The following IGSF5 variants were observed in gnomAD, a reference collection of about 807,000 sequenced individuals.
The protein encoded by IGSF5 is immunoglobulin superfamily member 5.
IGSF5 carries 41 observed loss-of-function variants against 39.4 expected under a neutral mutation model. The ratio of observed to expected loss-of-function variants is 1.04; its 90% CI spans 0.81 to 1.35. The LOEUF (loss-of-function observed/expected upper bound fraction) is 1.35, where lower values mean the gene tolerates loss of function less well. Among genes scored for constraint, IGSF5 ranks in the 40% most tolerant of loss-of-function variants. IGSF5 has a pLI of 0.00. For missense variants in IGSF5, 487 were observed against 494.6 expected (o/e 0.98, Z 0.15); for synonymous variants, 183 against 175.3 (o/e 1.04, Z -0.34).
chr21:39,784,502 G>A (rs2080186922), intron 5 of IGSF5, among the ~76,000 whole-genome samples: 1 of 152,082 alleles, frequency 6.6e-6, no homozygotes, highest in Admixed American at 6.5e-5. Context: ...CTATAGATTG[G>A]TAGTAATAAT....
At chr21:39,713,292 C>G in the IGSF5 span, among the ~76,000 whole-genome samples, 1 of 152,208 alleles carries the variant, frequency 6.6e-6, no homozygotes, top group East Asian at 1.9e-4. Flanking sequence ...GGTGCTCCAT[C>G]ATGAGAATTA....
the IGSF5 span, among the ~76,000 whole-genome samples, chr21:39,715,280 G>A: frequency 6.6e-6 from 1 of 152,040 alleles, no homozygotes; most frequent in African/African-American, 2.4e-5. Flanking sequence ...ACCATGCCCA[G>A]CTAATTTTTT....
At chr21:39,749,501 C>T (rs887385229) in intron 2 of IGSF5, among the ~76,000 whole-genome samples, 12 of 152,230 alleles carry the variant, frequency 7.9e-5, no homozygotes, top group African/African-American at 2.7e-4. Context: ...GCATGAGCCA[C>T]CGTGCCCAGC....
rs181942920 is a variant in IGSF5, at chr21:39,746,237, G to A, written c.39G>A (p.Pro13=). 5.7e-5 allele frequency: 40 copies of A among 701,896 alleles called. No homozygotes were observed. The highest frequency in any genetic ancestry group is 3.7e-4 in the Middle Eastern group (1 of 2,738). The allele number at this position is 701,896 out of a possible 1,614,324, so 43.5% of individuals were successfully genotyped here. The part of the protein sequence containing the change: ...QKERSTADTL[P]DLEEWKSAAG... ...TCAGGAGCACAGCAGATACTCTGCC[G>A]GATCTGGAGGAATGGAAGTCAGCGG... is the stretch of plus-strand genomic sequence containing the variant. The change falls in exon 2 of 9, where the codon CCG becomes CCA. Residue 13 remains proline, a synonymous_variant. Coordinates refer to ENST00000380588, the MANE Select transcript of IGSF5 (RefSeq NM_001080444.2).
chr21:39,743,819 A>T (rs943700498), upstream of IGSF5, among the ~76,000 whole-genome samples: 2 of 152,214 alleles, frequency 1.3e-5, no homozygotes, highest in Non-Finnish European at 2.9e-5. Context: ...TACTTCCCTC[A>T]GGAGGCCAGC....
At chr21:39,751,624 G>C (rs2080006175) in intron 2 of IGSF5, among the ~76,000 whole-genome samples, 1 of 151,974 alleles carries the variant, frequency 6.6e-6, no homozygotes, top group South Asian at 2.1e-4. Flanking sequence ...TGATGGGCTG[G>C]GGGGGGTGGG....
the IGSF5 span, among the ~76,000 whole-genome samples, chr21:39,725,154 G>T: frequency 6.6e-6 from 1 of 152,182 alleles, no homozygotes; most frequent in African/African-American, 2.4e-5. Flanking sequence ...GGATTCCCTT[G>T]CCCCATGGCT....
chr21:39,778,696 T>A (rs959688619), intron 4 of IGSF5, among the ~76,000 whole-genome samples: 4 of 152,178 alleles, frequency 2.6e-5, no homozygotes, highest in African/African-American at 9.7e-5. Flanking sequence ...GAACAAAATG[T>A]CTTTATTCCA....
intron 2 of IGSF5, among the ~76,000 whole-genome samples, chr21:39,759,565 T>C (rs2080050749): frequency 6.6e-6 from 1 of 152,122 alleles, no homozygotes; most frequent in Non-Finnish European, 1.5e-5. Flanking sequence ...GAGATACTTT[T>C]TCCTGAAAAA....
At chr21:39,767,845 A>T (rs377056104) in intron 3 of IGSF5, among the ~76,000 whole-genome samples, 2 of 152,294 alleles carry the variant, frequency 1.3e-5, no homozygotes, top group Non-Finnish European at 2.9e-5. Context: ...GGATGATTTC[A>T]TGGAGAAGGT....
the IGSF5 span, among the ~76,000 whole-genome samples, chr21:39,733,077 GA>G: frequency 6.6e-6 from 1 of 151,080 alleles, no homozygotes; most frequent in South Asian, 2.1e-4. Context: ...TGCAGTATTT[GA>G]AAAAAGAAAA....
At chr21:39,754,822 G>A (rs1049273969) in intron 2 of IGSF5, among the ~76,000 whole-genome samples, 2 of 152,166 alleles carry the variant, frequency 1.3e-5, no homozygotes, top group Non-Finnish European at 2.9e-5. Context: ...TCTGATTTCA[G>A]TTAAACTTGA....
intron 2 of IGSF5, among the ~76,000 whole-genome samples, chr21:39,757,488 C>T (rs2080037320): frequency 1.3e-5 from 2 of 152,016 alleles, no homozygotes; most frequent in Non-Finnish European, 2.9e-5. Flanking sequence ...GCACCAGAAT[C>T]ACCTGGAGGG....
chr21:39,795,509 A>C (rs1015529389), intron 8 of IGSF5, among the ~76,000 whole-genome samples: 2 of 151,414 alleles, frequency 1.3e-5, no homozygotes, highest in East Asian at 3.9e-4. Context: ...GAGATTCAGA[A>C]TAGGGTCATG....
At position 39,763,775 on chromosome 21, in the gene IGSF5, C is replaced by T. The variant is rs530120396; in HGVS notation, c.101-1760C>T. Among the ~76,000 whole-genome samples the T allele has an allele frequency of 1.1e-4, 17 of 152,274 alleles. No individual in the cohort carries two copies. The East Asian group carries it at 1.7e-3, about 16-fold the overall frequency. On this transcript the variant is annotated intron_variant, in intron 2 of 8. Transcript: ENST00000380588. ...GTGTGGTTATTACATCACGGACCCT[C>T]GGGGCGCAGACTCGGCTGTTTTCTC...
chr21:39,768,755 C>T (rs1185857890), intron 3 of IGSF5, among the ~76,000 whole-genome samples: 1 of 152,174 alleles, frequency 6.6e-6, no homozygotes, highest in East Asian at 1.9e-4. Context: ...TTTACAGTAG[C>T]CCTTGAATTA....
intron 2 of IGSF5, among the ~76,000 whole-genome samples, chr21:39,749,737 A>G (rs1412775833): frequency 6.6e-6 from 1 of 152,252 alleles, no homozygotes; most frequent in Non-Finnish European, 1.5e-5. Flanking sequence ...GTAGGTAGAC[A>G]AGAGACACAA....
rs1295401684 is a variant in IGSF5, at chr21:39,774,091, G to A, written c.718+2876G>A. 3.9e-5 allele frequency among the ~76,000 whole-genome samples: 6 copies of A among 152,218 alleles called. No homozygotes were observed. The South Asian group carries it at 1.0e-3, about 26-fold the overall frequency. ...GAGGCTCAGTGGGTGCTTGCAATGAGTCTAGCTTTATTGGATTCATTTGGA... is the reference window on the plus strand; with the variant it reads ...GAGGCTCAGTGGGTGCTTGCAATGAATCTAGCTTTATTGGATTCATTTGGA... On this transcript the variant is annotated intron_variant, in intron 4 of 8. Coordinates refer to ENST00000380588, the MANE Select transcript of IGSF5 (RefSeq NM_001080444.2).
chr21:39,793,635 CT>C (rs1466181395), intron 8 of IGSF5, 22 bp downstream of exon 8: 21 of 1,585,232 alleles, frequency 1.3e-5, no homozygotes, highest in Admixed American at 1.7e-5. Flanking sequence ...CATTTTCCCC[CT>C]TTTTGGACTT....
Sources: gnomAD v4.1 joint callset for allele counts (sites outside exome capture counted in the v4.1 genomes callset) on GRCh38, gnomAD v4.1.1 for gene constraint, MANE v1.5 for transcripts, NCBI Gene and HGNC (gene_info 2026-07-23, HGNC 2026-07-21) for gene names.